Variants in ADGRD1 observed in about 807,000 individuals in gnomAD.
ADGRD1 encodes the protein G-protein coupled receptor 133.
In ADGRD1, 77 loss-of-function variants were observed where a neutral mutation model predicts 113.4. That is an observed-to-expected ratio of 0.68 (90% CI 0.57 to 0.82). ADGRD1 has a LOEUF of 0.82. Among genes scored for constraint, ADGRD1 ranks in the 40% least tolerant of loss-of-function variants. The probability of loss-of-function intolerance (pLI) is 0.00; values close to 1 mark genes in which losing one functional copy is unlikely to be tolerated. For synonymous variants in ADGRD1, 474 were observed against 475.0 expected (o/e 1.00, Z 0.03); for missense variants, 1,036 against 1,139.1 (o/e 0.91, Z 1.30).
intron 13 of ADGRD1, among the ~76,000 whole-genome samples, chr12:131,015,421 C>G (rs1211608): frequency 2.1e-5 from 3 of 145,776 alleles, no homozygotes; most frequent in African/African-American, 5.3e-5. Context: ...GAGATGGAGA[C>G]GGGACTGGAT....
intron 2 of ADGRD1, among the ~76,000 whole-genome samples, chr12:130,958,651 C>A (rs896363080): frequency 1.3e-5 from 2 of 152,226 alleles, no homozygotes; most frequent in African/African-American, 4.8e-5. Flanking sequence ...CGCCTGCCCC[C>A]GGGCAGCTCT....
At chr12:131,034,260 C>T (rs575601910) in intron 13 of ADGRD1, among the ~76,000 whole-genome samples, 108 of 152,320 alleles carry the variant, frequency 7.1e-4, no homozygotes, top group African/African-American at 1.9e-3. Flanking sequence ...CCTTGCTCTG[C>T]GCCACATCAA....
At chr12:131,004,111 G>C (rs942286275) in intron 10 of ADGRD1, 75 bp from the exon 11 acceptor site, 1 of 864,014 alleles carries the variant, frequency 1.2e-6, no homozygotes, top group Non-Finnish European at 2.0e-6. Context: ...AAAAGCAGAC[G>C]GGGTTTTGCA....
chr12:131,104,407 T>C (rs112104501), intron 15 of ADGRD1, among the ~76,000 whole-genome samples: 6 of 152,308 alleles, frequency 3.9e-5, no homozygotes, highest in African/African-American at 1.4e-4. Flanking sequence ...ATTATTTTCA[T>C]TTCACAGCCG....
chr12:130,979,648 T>A (rs1872708277), intron 4 of ADGRD1, among the ~76,000 whole-genome samples: 1 of 152,176 alleles, frequency 6.6e-6, no homozygotes, highest in Admixed American at 6.5e-5. Context: ...GCCTCTCCCC[T>A]GCACCCACCG....
At chr12:131,093,637 C>T (rs1024474561) in intron 15 of ADGRD1, among the ~76,000 whole-genome samples, 14 of 152,180 alleles carry the variant, frequency 9.2e-5, no homozygotes, top group Non-Finnish European at 1.6e-4. Context: ...ACTGCAGTGC[C>T]GGCAGCCGCA....
chr12:131,123,334 T>A (rs1368532788), intron 20 of ADGRD1, among the ~76,000 whole-genome samples: 2 of 150,438 alleles, frequency 1.3e-5, no homozygotes, highest in African/African-American at 4.9e-5. Flanking sequence ...CGTGAGCCAC[T>A]GCGCCCGGCC....
At position 130,954,325 on chromosome 12, in the gene ADGRD1, C is replaced by T; in HGVS notation, c.-141C>T. ...AGGTCTCCAAGACAGCTGTGTTTCA[C>T]AAACTTTAAGGAGACAGAAATTTTC... is the stretch of plus-strand genomic sequence containing the variant. On this transcript the variant is annotated 5_prime_UTR_variant, in exon 1 of 25. Transcript: ENST00000261654. The surrounding 1 kb of genome is among the most constrained non-coding windows in gnomAD (Gnocchi z 4.7). The T allele has an allele frequency of 1.5e-6, 1 of 680,324 alleles. No individual in the cohort carries two copies. Among genetic ancestry groups the T allele is most frequent in the Admixed American group, 3.1e-5 (1 of 32,784 alleles). The allele number at this position is 680,324 out of a possible 1,614,324, so 42.1% of individuals were successfully genotyped here.
chr12:130,963,863 TGC>T (rs1870704712), intron 2 of ADGRD1, among the ~76,000 whole-genome samples: 1 of 152,202 alleles, frequency 6.6e-6, no homozygotes, highest in Non-Finnish European at 1.5e-5. Context: ...GGATAGATAC[TGC>T]CAAATTACCC....
At chr12:131,020,255 TTGAGGGAGATATTC>T in intron 13 of ADGRD1, among the ~76,000 whole-genome samples, 1 of 100,486 alleles carries the variant, frequency 1.0e-5, no homozygotes, top group Non-Finnish European at 2.2e-5. Flanking sequence ...CAGGGGGTGC[TTGAGGGAGATATTC>T]CAGGGGCAGG....
intron 13 of ADGRD1, among the ~76,000 whole-genome samples, chr12:131,052,643 T>TA (rs1555254724): frequency 3.9e-5 from 6 of 152,036 alleles, no homozygotes; most frequent in South Asian, 2.1e-4. Flanking sequence ...GTGGTCTTTG[T>TA]GGGGGAGGAA....
chr12:130,999,526 A>G (rs994075601), intron 8 of ADGRD1, among the ~76,000 whole-genome samples: 1 of 152,240 alleles, frequency 6.6e-6, no homozygotes, highest in Admixed American at 6.5e-5. Flanking sequence ...GAGTGTGAGG[A>G]AGAACGTGAG....
chr12:131,026,563 G>A (rs1485923822), intron 13 of ADGRD1: 2 of 152,364 alleles, frequency 1.3e-5, no homozygotes, highest in Non-Finnish European at 2.9e-5. Context: ...TCCAGACTTT[G>A]GCCTTTTGAA....
intron 13 of ADGRD1, chr12:131,069,514 G>A (rs1965572): frequency 0.28 from 41,894 of 150,272 alleles, 5,675 homozygotes; most frequent in East Asian, 0.64. Flanking sequence ...AGGACCAGGC[G>A]CAGGGCAGGT....
intron 17 of ADGRD1, among the ~76,000 whole-genome samples, chr12:131,108,140 A>T (rs1471104575): frequency 6.6e-6 from 1 of 152,172 alleles, no homozygotes; most frequent in African/African-American, 2.4e-5. Flanking sequence ...TCTGTCCCTG[A>T]GCCCTATTGA....
chr12:131,006,041 A>C lies in ADGRD1; in HGVS notation c.1325A>C (p.His442Pro). 6.2e-7 allele frequency: 1 copy of C among 1,611,324 alleles called. No individual in the cohort carries two copies. The highest frequency in any genetic ancestry group is 8.5e-7 in the Non-Finnish European group (1 of 1,179,676). Reference sequence around the variant, plus strand: ...TACCTGAACAACATCTGGCCCGCCCACACCAAGTGAGTCTCGGGGGTGCTC... The same window carrying C: ...TACCTGAACAACATCTGGCCCGCCCCCACCAAGTGAGTCTCGGGGGTGCTC... ...HYYLNNIWPA[H>P]TKIAEAMHHQ... is the part of the protein sequence containing the mutation. Residue 442 changes from histidine (H) to proline (P), a missense_variant, in exon 12 of 25, where the codon CAC (histidine) becomes CCC (proline). Physicochemically the swap from His to Pro is moderately conservative, Grantham distance 77. Coordinates refer to ENST00000261654, the MANE Select transcript of ADGRD1 (RefSeq NM_198827.5).
In ADGRD1 at chr12:131,096,103, C is replaced by T. The variant is rs1887264621; in HGVS notation, c.1672-8728C>T. On this transcript the variant is annotated intron_variant, in intron 15 of 24. Coordinates refer to ENST00000261654, the MANE Select transcript of ADGRD1 (RefSeq NM_198827.5). This position sits in a 1 kb window ranked among gnomAD's most constrained non-coding sequence, Gnocchi z 5.2. ...ACACGCGCTTGCTTTTCTGTCATTC[C>T]AGACGCAGTTGCTGAGCCTGGGGCC... Among the ~76,000 whole-genome samples the T allele has an allele frequency of 6.6e-6, 1 of 152,150 alleles. No homozygotes were observed. The highest frequency in any genetic ancestry group is 1.9e-4 in the East Asian group (1 of 5,168).
intron 13 of ADGRD1, among the ~76,000 whole-genome samples, chr12:131,061,485 A>T (rs544110502): frequency 6.6e-6 from 1 of 152,094 alleles, no homozygotes; most frequent in Non-Finnish European, 1.5e-5. Flanking sequence ...AGAAATCTTG[A>T]CTCATTTATA....
intron 8 of ADGRD1, among the ~76,000 whole-genome samples, chr12:130,996,253 G>A (rs918890182): frequency 1.7e-4 from 24 of 144,452 alleles, no homozygotes; most frequent in Non-Finnish European, 2.9e-4. Context: ...CCACAAAGCC[G>A]CGATTGTCAT....
Sources: allele counts gnomAD v4.1 joint callset (sites outside exome capture counted in the v4.1 genomes callset), GRCh38; gene constraint gnomAD v4.1.1; non-coding constraint Gnocchi (gnomAD v3.1); transcripts MANE v1.5; gene names NCBI Gene and HGNC (gene_info 2026-07-23, HGNC 2026-07-21).